ACOX3: variants seen among roughly 807,000 people sequenced by gnomAD.
ACOX3 encodes acyl-CoA oxidase 3, pristanoyl.
A neutral mutation model predicts 81.5 loss-of-function variants in ACOX3; 73 were observed. That is an observed-to-expected ratio of 0.90 (90% CI 0.74 to 1.09). The LOEUF (loss-of-function observed/expected upper bound fraction) is 1.09. ACOX3 is among the 50% of genes least tolerant of loss of function. ACOX3 has a pLI of 0.00. For missense variants in ACOX3, 947 were observed against 928.0 expected (o/e 1.02, Z -0.27); for synonymous variants, 387 against 375.1 (o/e 1.03, Z -0.37).
chr4:8,434,120 T>C (rs1485617997), intron 1 of ACOX3, among the ~76,000 whole-genome samples: 2 of 152,170 alleles, frequency 1.3e-5, no homozygotes, highest in Admixed American at 6.5e-5. Context: ...ATTCCAGACA[T>C]TGTATGAAAA....
rs1362126411 is a variant in ACOX3 at position 8,431,736 on chromosome 4, G to A, written c.-15+8912C>T. The stretch of plus-strand genomic sequence containing the variant: ...GTGGACAATGACCCACGGGAGCACT[G>A]CCATAGGGCCTCACCCACCCCCTCT... On this transcript the variant is annotated intron_variant, in intron 1 of 17. Transcript: ENST00000356406. This position sits in a 1 kb window ranked among gnomAD's most constrained non-coding sequence, Gnocchi z 5.3. Among the ~76,000 whole-genome samples, 1 of 152,236 alleles carries A rather than the reference G, an allele frequency of 6.6e-6. No individual in the cohort carries two copies. Among genetic ancestry groups the A allele is most frequent in the African/African-American group, 2.4e-5 (1 of 41,464 alleles).
At chr4:8,391,160 G>A (rs1003098201) in intron 11 of ACOX3, among the ~76,000 whole-genome samples, 4 of 152,122 alleles carry the variant, frequency 2.6e-5, no homozygotes, top group Non-Finnish European at 4.4e-5. Flanking sequence ...ATCCCGATGA[G>A]TTACAAAGAC....
intron 5 of ACOX3, among the ~76,000 whole-genome samples, chr4:8,410,870 C>G (rs1303899449): frequency 1.3e-5 from 2 of 152,362 alleles, no homozygotes; most frequent in African/African-American, 4.8e-5. Flanking sequence ...GGCAGCCGCT[C>G]AGAACATCAG....
At chr4:8,427,328 C>A (rs370688100) in intron 1 of ACOX3, among the ~76,000 whole-genome samples, 1 of 152,194 alleles carries the variant, frequency 6.6e-6, no homozygotes, top group South Asian at 2.1e-4. Context: ...TCTGTTTTCA[C>A]GATATTAAAT....
At chr4:8,403,763 G>A (rs532181995) in intron 7 of ACOX3, among the ~76,000 whole-genome samples, 13 of 152,246 alleles carry the variant, frequency 8.5e-5, no homozygotes, top group African/African-American at 2.9e-4. Context: ...CTAGAAATAC[G>A]TTTATTAGGG....
At chr4:8,372,140 C>T (rs938734485) in intron 16 of ACOX3, among the ~76,000 whole-genome samples, 3 of 152,190 alleles carry the variant, frequency 2.0e-5, no homozygotes, top group Non-Finnish European at 4.4e-5. Context: ...CTCTGTTGTC[C>T]AGGCTGGAGT....
intron 9 of ACOX3, 76 bp downstream of exon 9, chr4:8,396,861 A>G: frequency 1.3e-6 from 2 of 1,534,016 alleles, no homozygotes; most frequent in South Asian, 2.4e-5. Context: ...CCAGTAACCA[A>G]ACGGCAACTA....
At chr4:8,361,572 G>A (rs530485676), downstream of ACOX3, among the ~76,000 whole-genome samples, 6 of 151,912 alleles carry the variant, frequency 3.9e-5, no homozygotes, top group Non-Finnish European at 8.8e-5. Flanking sequence ...AGTTAAAGGG[G>A]TATTATTCAG....
chr4:8,392,748 C>T (rs543832041), intron 10 of ACOX3, among the ~76,000 whole-genome samples: 3 of 152,314 alleles, frequency 2.0e-5, no homozygotes, highest in South Asian at 2.1e-4. Context: ...GAAGAATGTG[C>T]GTCATGGCCC....
chr4:8,373,919 G>T, intron 15 of ACOX3: 1 of 492,576 alleles, frequency 2.0e-6, no homozygotes, highest in Non-Finnish European at 3.7e-6. Context: ...GCTCATACCT[G>T]CTGGGGTTCA....
chr4:8,371,437 G>A (rs930416100), intron 16 of ACOX3, among the ~76,000 whole-genome samples: 2 of 152,148 alleles, frequency 1.3e-5, no homozygotes, highest in Non-Finnish European at 2.9e-5. Context: ...CTCGGTTGGC[G>A]GTGGTTTTAT....
At position 8,385,353 on chromosome 4, in the gene ACOX3, G is replaced by A. The variant is rs190217643; in HGVS notation, c.1538-3746C>T. On this transcript the variant is annotated intron_variant, in intron 13 of 17. Coordinates refer to ENST00000356406, the MANE Select transcript of ACOX3 (RefSeq NM_003501.3). This position sits in a 1 kb window ranked among gnomAD's most constrained non-coding sequence, Gnocchi z 5.5. ...ACTGCTCACCTCACATGACCTCACT[G>A]TGCACTCCACGTGACCTCACCACTC... Among the ~76,000 whole-genome samples, 3 of 151,508 alleles carry A rather than the reference G, an allele frequency of 2.0e-5. No homozygotes were observed. In the East Asian group the frequency reaches 5.8e-4, roughly 29 times the overall value.
chr4:8,364,613 G>A (rs184866549), downstream of ACOX3, among the ~76,000 whole-genome samples: 13 of 152,310 alleles, frequency 8.5e-5, no homozygotes, highest in African/African-American at 2.9e-4. The surrounding 1 kb of genome is among the most constrained non-coding windows in gnomAD (Gnocchi z 5.0). Flanking sequence ...AGAACCTGTC[G>A]TGTCTGACAT....
chr4:8,418,409 A>G (rs188677824), intron 1 of ACOX3, among the ~76,000 whole-genome samples: 2 of 149,316 alleles, frequency 1.3e-5, no homozygotes, highest in African/African-American at 4.9e-5. Context: ...CAGTGAACCA[A>G]GATTGCACCA....
chr4:8,420,631 C>T (rs1330023877), intron 1 of ACOX3, among the ~76,000 whole-genome samples: 1 of 152,174 alleles, frequency 6.6e-6, no homozygotes, highest in Non-Finnish European at 1.5e-5. Context: ...CAGGCAACGC[C>T]CTTTGGGTAC....
chr4:8,364,030 C>T (rs1393808926), downstream of ACOX3, among the ~76,000 whole-genome samples: 2 of 152,146 alleles, frequency 1.3e-5, no homozygotes, highest in Admixed American at 6.5e-5. The surrounding 1 kb of genome is among the most constrained non-coding windows in gnomAD (Gnocchi z 5.0). Flanking sequence ...AACTTGCTTT[C>T]ACTTTACTCT....
Position 8,414,748 on chromosome 4 carries a change from C to T in ACOX3, c.453+106G>A. 9.0e-7 allele frequency: 1 copy of T among 1,107,802 alleles called. No individual in the cohort carries two copies. The highest frequency in any genetic ancestry group is 1.4e-6 in the Non-Finnish European group (1 of 731,912). The allele number at this position is 1,107,802 out of a possible 1,614,324, so 68.6% of individuals were successfully genotyped here. A position where few individuals can be genotyped will look rare whatever the true frequency, so the allele number is the denominator to read the frequency against. ...TGAGAACACTAGGAAACAAGAAGAG[C>T]ATAAGCCCCCTGGGCACCCCCTTCT... On this transcript the variant is annotated intron_variant, in intron 4 of 17. Coordinates refer to ENST00000356406, the MANE Select transcript of ACOX3 (RefSeq NM_003501.3). The surrounding 1 kb of genome is among the most constrained non-coding windows in gnomAD (Gnocchi z 6.1).
At chr4:8,377,728 C>T (rs1449602501) in intron 14 of ACOX3, among the ~76,000 whole-genome samples, 3 of 152,240 alleles carry the variant, frequency 2.0e-5, no homozygotes, top group Non-Finnish European at 4.4e-5. Context: ...GCCATGGCAA[C>T]CAGCAGAGCT....
At chr4:8,356,255 G>A in the ACOX3 span, 25 of 338,496 alleles carry the variant, frequency 7.4e-5, no homozygotes, top group Non-Finnish European at 1.3e-4. Context: ...GTCCATCCAG[G>A]AGCCTGCCCT....
Sources: gnomAD v4.1 joint callset for allele counts (sites outside exome capture counted in the v4.1 genomes callset) on GRCh38, gnomAD v4.1.1 for gene constraint, Gnocchi (gnomAD v3.1) non-coding constraint, MANE v1.5 for transcripts, NCBI Gene and HGNC (gene_info 2026-07-23, HGNC 2026-07-21) for gene names.